Variants in DIP2C observed in about 807,000 individuals in gnomAD.
The protein encoded by DIP2C is disco-interacting protein 2 homolog C.
In DIP2C, 33 loss-of-function variants were observed where a neutral mutation model predicts 192.4. The ratio of observed to expected loss-of-function variants is 0.17; its 90% CI spans 0.13 to 0.23. DIP2C has a LOEUF of 0.23. Ranked by LOEUF, DIP2C falls within the 10% of genes least tolerant of loss-of-function variation. The probability of loss-of-function intolerance (pLI) is 1.00; values close to 1 mark genes in which losing one functional copy is unlikely to be tolerated. For missense variants in DIP2C, 1,537 were observed against 2,110.1 expected, an observed-to-expected ratio of 0.73 and a Z score of 5.32; for synonymous variants, 979 against 864.1, an observed-to-expected ratio of 1.13 and a Z score of -2.33.
intron 2 of DIP2C, among the ~76,000 whole-genome samples, chr10:484,291 C>G (rs1843835237): frequency 1.3e-5 from 2 of 152,194 alleles, no homozygotes; most frequent in African/African-American, 4.8e-5. Flanking sequence ...AGAATCCTTA[C>G]CTCTAAGAAC....
At chr10:367,771 C>T (rs780890045) in intron 18 of DIP2C, among the ~76,000 whole-genome samples, 2 of 152,256 alleles carry the variant, frequency 1.3e-5, no homozygotes, top group Non-Finnish European at 2.9e-5. Flanking sequence ...GAGCTCGTTA[C>T]GCGCTGACAA....
intron 1 of DIP2C, among the ~76,000 whole-genome samples, chr10:688,673 G>C (rs1487471548): frequency 1.3e-5 from 2 of 151,056 alleles, no homozygotes; most frequent in African/African-American, 4.9e-5. Flanking sequence ...TTGGGGAAAA[G>C]ACCTGGCAAA....
chr10:352,604 T>TG (rs774508560), intron 24 of DIP2C, among the ~76,000 whole-genome samples: 2 of 152,188 alleles, frequency 1.3e-5, no homozygotes, highest in Non-Finnish European at 2.9e-5. Context: ...CCTCGCTCCA[T>TG]GGCCAGGCAG....
At chr10:467,371 G>A (rs1328319825) in intron 3 of DIP2C, among the ~76,000 whole-genome samples, 2 of 145,074 alleles carry the variant, frequency 1.4e-5, no homozygotes, top group African/African-American at 2.6e-5. Flanking sequence ...TCACACTCTG[G>A]GGACTGTGGT....
intron 24 of DIP2C, among the ~76,000 whole-genome samples, chr10:354,788 A>G (rs1486781404): frequency 6.6e-6 from 1 of 151,994 alleles, no homozygotes; most frequent in East Asian, 1.9e-4. Context: ...TTAGTGCTGC[A>G]GATTTAGGTC....
At chr10:377,637 C>T (rs549825512) in intron 17 of DIP2C, among the ~76,000 whole-genome samples, 2 of 152,302 alleles carry the variant, frequency 1.3e-5, no homozygotes, top group South Asian at 2.1e-4. Flanking sequence ...GTGCTCACTT[C>T]GGATCCACTT....
chr10:408,847 CTG>C (rs1282701831), intron 9 of DIP2C, 77 bp downstream of exon 9: 53 of 1,429,730 alleles, frequency 3.7e-5, no homozygotes, highest in Non-Finnish European at 4.8e-5. Flanking sequence ...GCGCTGAACT[CTG>C]TAATGTTTAA....
At chr10:414,195 A>G in intron 7 of DIP2C, 85 bp from the exon 8 acceptor site, 1 of 1,427,018 alleles carries the variant, frequency 7.0e-7, no homozygotes. Context: ...AGAAGCCAAG[A>G]GATTTATACT....
chr10:581,020 T>TTA (rs1172533136), intron 1 of DIP2C, among the ~76,000 whole-genome samples: 1 of 152,186 alleles, frequency 6.6e-6, no homozygotes, highest in Non-Finnish European at 1.5e-5. Context: ...TTCTGGCAGA[T>TTA]TATTCATTTT....
intron 5 of DIP2C, among the ~76,000 whole-genome samples, chr10:419,552 G>A (rs757899364): frequency 1.3e-5 from 2 of 152,174 alleles, no homozygotes; most frequent in Admixed American, 6.5e-5. Context: ...TGCCACAGTC[G>A]ACGCAGCCAA....
intron 33 of DIP2C, among the ~76,000 whole-genome samples, chr10:287,831 T>C (rs1349207107): frequency 6.6e-6 from 1 of 152,216 alleles, no homozygotes; most frequent in South Asian, 2.1e-4. Context: ...TCTACTTTCA[T>C]AGTAATAGAT....
chr10:376,446 C>T (rs367569097), intron 17 of DIP2C, among the ~76,000 whole-genome samples: 7 of 151,606 alleles, frequency 4.6e-5, no homozygotes, highest in Non-Finnish European at 7.4e-5. Context: ...TTTGGGAACA[C>T]GCATTCCGGT....
At chr10:515,513 A>C (rs1047832523) in intron 1 of DIP2C, among the ~76,000 whole-genome samples, 1 of 152,182 alleles carries the variant, frequency 6.6e-6, no homozygotes, top group African/African-American at 2.4e-5. Context: ...ACTTGAGGTA[A>C]GGAGTTCAAG....
At chr10:546,054 G>T (rs1848269620) in intron 1 of DIP2C, among the ~76,000 whole-genome samples, 1 of 152,288 alleles carries the variant, frequency 6.6e-6, no homozygotes, top group South Asian at 2.1e-4. Flanking sequence ...GGCCAAGGCA[G>T]ATGGGTCACT....
chr10:415,711 A>C (rs552311720), intron 7 of DIP2C, 58 bp downstream of exon 7: 2 of 1,582,432 alleles, frequency 1.3e-6, no homozygotes, highest in East Asian at 2.3e-5. Context: ...AAAAAATATC[A>C]TTGTTTACGG....
At chr10:291,201 T>TCTGCC (rs1211160018) in intron 32 of DIP2C, among the ~76,000 whole-genome samples, 1 of 152,230 alleles carries the variant, frequency 6.6e-6, no homozygotes. Flanking sequence ...CTCTCCAGCC[T>TCTGCC]CTGCCCCCAT....
chr10:507,337 G>T (rs1364462883), intron 1 of DIP2C, among the ~76,000 whole-genome samples: 1 of 149,040 alleles, frequency 6.7e-6, no homozygotes, highest in Admixed American at 6.7e-5. Context: ...TTCAAGGTTA[G>T]GGACCTGGTC....
intron 1 of DIP2C, among the ~76,000 whole-genome samples, chr10:568,788 A>AAAAAC (rs1564208321): frequency 7.0e-6 from 1 of 142,532 alleles, no homozygotes; most frequent in Non-Finnish European, 1.5e-5. Flanking sequence ...AAAAAAAAAA[A>AAAAAC]AAAAAAAAAA....
At chr10:506,947 G>A (rs1327036958) in intron 1 of DIP2C, among the ~76,000 whole-genome samples, 1 of 150,722 alleles carries the variant, frequency 6.6e-6, no homozygotes, top group Non-Finnish European at 1.5e-5. Flanking sequence ...GTGAGGGCAT[G>A]GACCCGGTCA....
Sources: gnomAD v4.1 joint callset for allele counts (sites outside exome capture counted in the v4.1 genomes callset) on GRCh38, gnomAD v4.1.1 for gene constraint, MANE v1.5 for transcripts, NCBI Gene and HGNC (gene_info 2026-07-23, HGNC 2026-07-21) for gene names.